THUMPD2: variants seen among roughly 807,000 people sequenced by gnomAD.
THUMPD2 encodes the protein U6 snRNA (guanine-N(2))-methyltransferase THUMPD2.
THUMPD2 carries 56 observed loss-of-function variants against 49.4 expected under a neutral mutation model. That is an observed-to-expected ratio of 1.13 (90% CI 0.91 to 1.41). THUMPD2 has a LOEUF of 1.41. Among genes scored for constraint, THUMPD2 ranks in the 40% most tolerant of loss-of-function variants. The pLI, the probability that THUMPD2 is intolerant of heterozygous loss-of-function variation, is 0.00. For synonymous variants in THUMPD2, 237 were observed against 205.2 expected, an observed-to-expected ratio of 1.15 and a Z score of -1.32; for missense variants, 709 against 594.5, an observed-to-expected ratio of 1.19 and a Z score of -2.00.
At chr2:39,763,070 C>A (rs1369146155) in intron 5 of THUMPD2, among the ~76,000 whole-genome samples, 2 of 151,900 alleles carry the variant, frequency 1.3e-5, no homozygotes, top group African/African-American at 2.4e-5. Context: ...CAGAAATAAA[C>A]TCCTTGAAAA....
At chr2:39,737,950 A>T (rs549996278) in intron 9 of THUMPD2, among the ~76,000 whole-genome samples, 1 of 152,088 alleles carries the variant, frequency 6.6e-6, no homozygotes, top group Admixed American at 6.5e-5. Context: ...TCAGCTTGGA[A>T]CGTGCTGATG....
chr2:39,753,511 A>T (rs1050537832), intron 8 of THUMPD2, among the ~76,000 whole-genome samples: 2 of 152,078 alleles, frequency 1.3e-5, no homozygotes, highest in African/African-American at 4.8e-5. Flanking sequence ...GATTCTCTAT[A>T]CTGGTGATCC....
intron 6 of THUMPD2, among the ~76,000 whole-genome samples, chr2:39,756,180 A>G (rs1157856851): frequency 6.6e-6 from 1 of 152,154 alleles, no homozygotes; most frequent in Non-Finnish European, 1.5e-5. Context: ...CAGTAGAAGG[A>G]AAAATCCCTA....
intron 1 of THUMPD2, among the ~76,000 whole-genome samples, chr2:39,774,161 C>T (rs1252549902): frequency 5.3e-5 from 8 of 152,356 alleles, no homozygotes; most frequent in African/African-American, 1.2e-4. Flanking sequence ...GGCTAGTTCC[C>T]GCCTTGTGCC....
intron 4 of THUMPD2, among the ~76,000 whole-genome samples, chr2:39,766,841 A>T (rs969914732): frequency 2.0e-5 from 3 of 149,808 alleles, no homozygotes; most frequent in African/African-American, 7.3e-5. Flanking sequence ...TCAAGAAAAG[A>T]CTTACCTGGA....
At chr2:39,756,291 T>C (rs7564579) in intron 6 of THUMPD2, among the ~76,000 whole-genome samples, 8,640 of 151,950 alleles carry the variant, frequency 0.057, 830 homozygotes, top group African/African-American at 0.2. Context: ...TGGGCATAGA[T>C]TCTGGTATGC....
intron 8 of THUMPD2, among the ~76,000 whole-genome samples, chr2:39,748,533 C>T (rs907215558): frequency 2.0e-5 from 3 of 151,898 alleles, no homozygotes; most frequent in Non-Finnish European, 2.9e-5. Context: ...AAACCCCATA[C>T]AAAAATTAGC....
chr2:39,771,500 C>A lies in THUMPD2; in HGVS notation c.262+5G>T. On this transcript the variant is annotated splice_donor_5th_base_variant and intron_variant, in intron 2 of 9. Transcript: ENST00000505747. ...AAAAGCAACATGCATATGAATATGC[C>A]ATACCTTTACTTACAGAAGAAATAA... 6.3e-7 allele frequency: 1 copy of A among 1,594,466 alleles called. No individual in the cohort carries two copies. The highest frequency in any genetic ancestry group is 1.2e-5 in the South Asian group (1 of 86,566).
intron 1 of THUMPD2, among the ~76,000 whole-genome samples, chr2:39,778,218 C>T (rs1679372356): frequency 6.6e-6 from 1 of 152,136 alleles, no homozygotes. Context: ...ATTAAATGTT[C>T]AATAAATGTC....
In THUMPD2 at chr2:39,766,840, GACTT is replaced by G. The variant is rs200993388; in HGVS notation, c.751-735_751-732del. ...ATATTGATCAATTTCATCAAGAAAAGACTTACCTGGAGTGATTCCATTTGGTCAA... is the reference window on the plus strand; with the variant it reads ...ATATTGATCAATTTCATCAAGAAAAGACCTGGAGTGATTCCATTTGGTCAA... On this transcript the variant is annotated intron_variant, in intron 4 of 9. Coordinates refer to ENST00000505747, the MANE Select transcript of THUMPD2 (RefSeq NM_025264.5). Among the ~76,000 whole-genome samples the G allele has an allele frequency of 7.9e-3, 1,209 of 152,210 alleles. 2 individuals are homozygous for G. The highest frequency in any genetic ancestry group is 0.015 in the Admixed American group (235 of 15,282).
chr2:39,760,501 G>A (rs1676681086), intron 6 of THUMPD2, among the ~76,000 whole-genome samples: 4 of 152,210 alleles, frequency 2.6e-5, no homozygotes, highest in Admixed American at 2.6e-4. Flanking sequence ...AGGAAACAAA[G>A]TGTGAGAAGT....
rs115428405 is a variant in THUMPD2 at position 39,744,861 on chromosome 2, C to T, written c.1079-383G>A. Among the ~76,000 whole-genome samples the T allele has an allele frequency of 6.9e-4, 105 of 152,104 alleles. 2 individuals carry two copies. The South Asian group carries it at 0.021, about 30-fold the overall frequency. On this transcript the variant is annotated intron_variant, in intron 8 of 9. Coordinates refer to ENST00000505747, the MANE Select transcript of THUMPD2 (RefSeq NM_025264.5). ...TTTCATTTCCCATTTTAAAACTGTACGTTTAGATCTACTTGTTTTTGAGGG... is the reference window on the plus strand; with the variant it reads ...TTTCATTTCCCATTTTAAAACTGTATGTTTAGATCTACTTGTTTTTGAGGG...
chr2:39,755,262 T>C (rs772286431), intron 8 of THUMPD2, 33 bp downstream of exon 8: 18 of 1,321,472 alleles, frequency 1.4e-5, no homozygotes, highest in Non-Finnish European at 6.3e-6. Flanking sequence ...CATTGTTCCT[T>C]TTCTCAATTG....
chr2:39,745,048 A>G (rs1674387077), intron 8 of THUMPD2, among the ~76,000 whole-genome samples: 1 of 152,142 alleles, frequency 6.6e-6, no homozygotes, highest in Admixed American at 6.6e-5. Context: ...GCTTTATCTT[A>G]ATGTTTTCTT....
At chr2:39,744,022 G>A (rs1384228237) in intron 9 of THUMPD2, among the ~76,000 whole-genome samples, 1 of 147,888 alleles carries the variant, frequency 6.8e-6, no homozygotes, top group Non-Finnish European at 1.5e-5. Flanking sequence ...AAGTGTGGGG[G>A]ATTAACACAG....
intron 5 of THUMPD2, among the ~76,000 whole-genome samples, chr2:39,765,348 C>T (rs919070666): frequency 2.0e-5 from 3 of 151,934 alleles, no homozygotes; most frequent in Admixed American, 6.6e-5. Context: ...TTGGTAGAGA[C>T]GGGACTTCAC....
chr2:39,769,241 T>C (rs1287277279), intron 3 of THUMPD2: 1 of 390,438 alleles, frequency 2.6e-6, no homozygotes, highest in Non-Finnish European at 4.7e-6. Flanking sequence ...AAGTCATTAC[T>C]TGGAATGGCA....
chr2:39,775,650 C>A (rs1321753318), intron 1 of THUMPD2, among the ~76,000 whole-genome samples: 1 of 150,432 alleles, frequency 6.6e-6, no homozygotes, highest in East Asian at 2.0e-4. Context: ...GTAATCCCAG[C>A]TACTTGGGAG....
intron 5 of THUMPD2, among the ~76,000 whole-genome samples, chr2:39,763,253 C>T (rs1450998956): frequency 6.6e-6 from 1 of 151,582 alleles, no homozygotes; most frequent in Non-Finnish European, 1.5e-5. Context: ...GTTACCTGAA[C>T]CCCAGATCTT....
Sources: gnomAD v4.1 joint callset for allele counts (sites outside exome capture counted in the v4.1 genomes callset) on GRCh38, gnomAD v4.1.1 for gene constraint, MANE v1.5 for transcripts, NCBI Gene and HGNC (gene_info 2026-07-23, HGNC 2026-07-21) for gene names.